The following USP11 variants were observed in gnomAD, a reference collection of about 807,000 sequenced individuals.
USP11 encodes ubiquitin carboxyl-terminal hydrolase 11.
A neutral mutation model predicts 72.8 loss-of-function variants in USP11; 5 were observed. That is an observed-to-expected ratio of 0.07 (90% CI 0.04 to 0.14). USP11 has a LOEUF of 0.14. Ranked by LOEUF, USP11 falls within the 10% of genes least tolerant of loss-of-function variation. The pLI, the probability that USP11 is intolerant of heterozygous loss-of-function variation, is 1.00. For missense variants in USP11, 480 were observed against 794.7 expected, an observed-to-expected ratio of 0.60 and a Z score of 4.76; for synonymous variants, 368 against 326.5, an observed-to-expected ratio of 1.13 and a Z score of -1.37.
intron 1 of USP11, among the ~76,000 whole-genome samples, chrX:47,234,473 T>C (rs1382579756): frequency 8.9e-6 from 1 of 112,247 alleles, no homozygotes; most frequent in African/African-American, 3.2e-5. Flanking sequence ...ATTGTGATCA[T>C]TGTGGCTGTG....
At chrX:47,241,970 G>A in intron 9 of USP11, 112 bp from the exon 10 acceptor site, 1 of 862,700 alleles carries the variant, frequency 1.2e-6, no homozygotes, top group East Asian at 3.4e-5. Context: ...CTGGAGCTCT[G>A]CCTCTGGACT....
At chrX:47,234,988 TA>T (rs1201433429) in intron 1 of USP11, among the ~76,000 whole-genome samples, 3 of 112,536 alleles carry the variant, frequency 2.7e-5, no homozygotes, top group South Asian at 3.6e-4. Flanking sequence ...TTCTCTGTAT[TA>T]TTTTTGCCAT....
At chrX:47,241,732 C>T in intron 9 of USP11, 33 bp downstream of exon 9, 3 of 1,159,774 alleles carry the variant, frequency 2.6e-6, no homozygotes, top group Non-Finnish European at 3.4e-6. Flanking sequence ...GTCCAATTAA[C>T]ATCACCAAGG....
chrX:47,237,775 G>GGTGTGTGT lies in USP11; in HGVS notation c.177-1292_177-1285dup, dbSNP rs1428419266. On this transcript the variant is annotated intron_variant, in intron 1 of 20. Coordinates refer to ENST00000377107, the MANE Select transcript of USP11 (RefSeq NM_001371072.1). ...GTGTCAGAAATGCCACAGCAGAACA[G>GGTGTGTGT]GTGTGTGTGTATGTGTGTGTGTGTG... 9.6e-4 allele frequency among the ~76,000 whole-genome samples: 95 copies of GGTGTGTGT among 99,204 alleles called. 1 individual carries two copies. The highest frequency in any genetic ancestry group is 3.8e-3 in the African/African-American group (95 of 24,828). The allele number at this position is 99,204 out of a possible 115,157, so 86.1% of individuals were successfully genotyped here. A position where few individuals can be genotyped will look rare whatever the true frequency, so the allele number is the denominator to read the frequency against.
Position 47,243,425 on chromosome X carries a change from T to C in USP11, c.1613T>C (p.Ile538Thr). 1 of 1,211,780 alleles carries C rather than the reference T, an allele frequency of 8.3e-7. No homozygotes were observed. The highest frequency in any genetic ancestry group is 3.0e-5 in the East Asian group (1 of 33,816). ...GAGGTGTCAGGTCGCATTGAGGCCATTGAGGGCTCAAGAGAGGACATCGTG... is the reference window on the plus strand; with the variant it reads ...GAGGTGTCAGGTCGCATTGAGGCCACTGAGGGCTCAAGAGAGGACATCGTG... Reference protein sequence around the residue: ...VYEVSGRIEAIEGSREDIVVP... With the variant: ...VYEVSGRIEATEGSREDIVVP... Residue 538 changes from isoleucine to threonine, a missense_variant, in exon 13 of 21, where the codon ATT (isoleucine) becomes ACT (threonine). Around this residue, in one of 5 missense-constraint regions of USP11, gnomAD observed 314 missense variants for 556.0 expected, o/e 0.56. Coordinates refer to ENST00000377107, the MANE Select transcript of USP11 (RefSeq NM_001371072.1).
intron 1 of USP11, chrX:47,233,562 C>T (rs1358345913): frequency 1.2e-6 from 1 of 860,468 alleles, no homozygotes; most frequent in Non-Finnish European, 1.4e-6. Context: ...GGCGGGGGCG[C>T]GGCCTGCGCT....
intron 1 of USP11, among the ~76,000 whole-genome samples, chrX:47,237,624 A>G (rs1422641377): frequency 9.0e-6 from 1 of 111,585 alleles, no homozygotes; most frequent in Non-Finnish European, 1.9e-5. Context: ...AAAAATGATA[A>G]TAATAATAAT....
At chrX:47,234,587 A>G (rs1006158204) in intron 1 of USP11, among the ~76,000 whole-genome samples, 1 of 112,020 alleles carries the variant, frequency 8.9e-6, no homozygotes, top group Non-Finnish European at 1.9e-5. Flanking sequence ...GCATATATAA[A>G]TTTATATATG....
At chrX:47,242,405 T>C in intron 10 of USP11, 34 bp from the exon 11 acceptor site, 1 of 1,209,461 alleles carries the variant, frequency 8.3e-7, no homozygotes, top group Non-Finnish European at 1.1e-6. Flanking sequence ...CCACAAGCCC[T>C]TTTGGTCTTT....
At chrX:47,244,607 G>T in intron 14 of USP11, 57 bp downstream of exon 14, 4 of 1,205,652 alleles carry the variant, frequency 3.3e-6, no homozygotes, top group Non-Finnish European at 4.5e-6. Flanking sequence ...ACCCACGTAG[G>T]GTTCGTCTAG....
At chrX:47,236,078 T>G (rs1017364000) in intron 1 of USP11, among the ~76,000 whole-genome samples, 2 of 111,896 alleles carry the variant, frequency 1.8e-5, no homozygotes, top group Non-Finnish European at 3.8e-5. Context: ...AGGGAGAGGT[T>G]GTGGTTGTAC....
At chrX:47,244,473 G>C (rs777396414) in intron 13 of USP11, 25 bp from the exon 14 acceptor site, 1 of 1,209,242 alleles carries the variant, frequency 8.3e-7, no homozygotes, top group African/African-American at 1.7e-5. Context: ...TACCCGTCTT[G>C]GGAGTCTCCT....
rs896459831 is a variant in USP11, at chrX:47,240,606, G to A, written c.701G>A (p.Arg234His). Residue 234 changes from arginine (R) to histidine (H), a missense_variant, in exon 6 of 21, where the codon CGC becomes CAC. By Grantham distance (29) the Arg-to-His change is conservative. Transcript: ENST00000377107. The stretch of plus-strand genomic sequence containing the variant: ...ACCCAGTTGATCATCATGGAGACCC[G>A]CAAGAAAGATGGCACTTGGCCCAGC... ...ETGQLIIMET[R>H]KKDGTWPSAQ... is the part of the protein sequence containing the mutation. The A allele has an allele frequency of 1.7e-6, 2 of 1,210,056 alleles. No individual in the cohort carries two copies. Among genetic ancestry groups the A allele is most frequent in the African/African-American group, 1.8e-5 (1 of 57,138 alleles).
intron 1 of USP11, 102 bp from the exon 2 acceptor site, chrX:47,238,968 A>T: frequency 1.9e-6 from 1 of 516,123 alleles, no homozygotes; most frequent in Non-Finnish European, 3.1e-6. Flanking sequence ...TTTTCATCTT[A>T]AATTATAATG....
Position 47,245,035 on chromosome X carries a change from C to T in USP11, c.2106C>T (p.Ile702=), listed in dbSNP as rs773071370. The T allele has an allele frequency of 1.2e-5, 14 of 1,210,223 alleles. No individual in the cohort carries two copies. The highest frequency in any genetic ancestry group is 1.7e-5 in the African/African-American group (1 of 57,261). The change falls in exon 16 of 21, where the codon ATC becomes ATT. Residue 702 remains isoleucine (I), a synonymous_variant. Coordinates refer to ENST00000377107, the MANE Select transcript of USP11 (RefSeq NM_001371072.1). ...CCCCAGCCCAGCCGTACATTGCTAT[C>T]GACTGGGAGCCAGAGATGAAGAAGC... The part of the protein sequence containing the change: ...EEVHAQPYIA[I]DWEPEMKKRY...
At position 47,248,127 on chromosome X, in the gene USP11, C is replaced by T. The variant is rs2055446976; in HGVS notation, c.*197C>T. On this transcript the variant is annotated 3_prime_UTR_variant, in exon 21 of 21. Coordinates refer to ENST00000377107, the MANE Select transcript of USP11 (RefSeq NM_001371072.1). ...CAGGTCGTGTCTCCTCCTAGCAGTG[C>T]GCGCCCCGCCTGTGTTTGCCCTTCC... 2.7e-5 allele frequency: 15 copies of T among 553,416 alleles called. No individual in the cohort carries two copies. In the South Asian group the frequency reaches 3.3e-4, roughly 12 times the overall value. The allele number at this position is 553,416 out of a possible 1,213,427, so 45.6% of individuals were successfully genotyped here.
In USP11 at chrX:47,242,453, C is replaced by A; in HGVS notation, c.1419C>A (p.Val473=). 1 of 1,212,081 alleles carries A rather than the reference C, an allele frequency of 8.3e-7. No individual in the cohort carries two copies. Among genetic ancestry groups the A allele is most frequent in the Non-Finnish European group, 1.1e-6 (1 of 895,593 alleles). The change falls in exon 11 of 21, where the codon GTC becomes GTA. Residue 473 remains valine, a synonymous_variant. Coordinates refer to ENST00000377107, the MANE Select transcript of USP11 (RefSeq NM_001371072.1). ...TTTTCCCTTAGCACCGGCTCGTGGT[C>A]CCCAAGAAAGGCAAGATCTCGGATC... ...RRKPEQHRLV[V]PKKGKISDLC...
intron 17 of USP11, among the ~76,000 whole-genome samples, chrX:47,246,204 C>G (rs747043746): frequency 8.9e-6 from 1 of 112,446 alleles, no homozygotes; most frequent in Non-Finnish European, 1.9e-5. Flanking sequence ...TATTTGTCAT[C>G]TTCGTTAGAG....
intron 16 of USP11, 23 bp from the exon 17 acceptor site, chrX:47,245,347 G>A: frequency 1.0e-5 from 12 of 1,186,581 alleles, no homozygotes; most frequent in Non-Finnish European, 1.4e-5. Context: ...CGGCCATCTG[G>A]TTGTCTGTTC....
Sources: allele counts gnomAD v4.1 joint callset (sites outside exome capture counted in the v4.1 genomes callset), GRCh38; gene constraint gnomAD v4.1.1; regional missense constraint gnomAD v4.1.1; transcripts MANE v1.5; gene names NCBI Gene and HGNC (gene_info 2026-07-23, HGNC 2026-07-21).